C11orf65: variants seen among roughly 807,000 people sequenced by gnomAD.
C11orf65 encodes the protein protein MFI.
In C11orf65, 38 loss-of-function variants were observed where a neutral mutation model predicts 35.3. That is an observed-to-expected ratio of 1.08 (90% CI 0.83 to 1.41). The LOEUF is 1.41. Ranked by LOEUF, C11orf65 falls within the 40% of genes most tolerant of loss-of-function variation. The pLI is 0.00. For missense variants in C11orf65, 370 were observed against 367.1 expected, an observed-to-expected ratio of 1.01 and a Z score of -0.06; for synonymous variants, 105 against 114.4, an observed-to-expected ratio of 0.92 and a Z score of 0.53.
chr11:108,362,522 C>A (rs1234763261), intron 2 of C11orf65, among the ~76,000 whole-genome samples: 11 of 149,566 alleles, frequency 7.4e-5, no homozygotes, highest in Non-Finnish European at 1.6e-4. Context: ...CGGCATTATT[C>A]ACAATAGCAA....
chr11:108,330,211 A>G (rs2136451104), downstream of C11orf65: 1 of 1,613,492 alleles, frequency 6.2e-7, no homozygotes, highest in Non-Finnish European at 8.5e-7. Flanking sequence ...TATTCTATGC[A>G]AGATACACAG....
intron 2 of C11orf65, among the ~76,000 whole-genome samples, chr11:108,450,445 TA>T (rs1367674864): frequency 6.6e-6 from 1 of 151,452 alleles, no homozygotes; most frequent in African/African-American, 2.4e-5. Context: ...TATGCAGCCA[TA>T]AAAAATGATG....
At chr11:108,358,910 ACAT>A (rs1205786503) in intron 2 of C11orf65, among the ~76,000 whole-genome samples, 2 of 152,122 alleles carry the variant, frequency 1.3e-5, no homozygotes, top group African/African-American at 4.8e-5. Flanking sequence ...TCACCAGCTA[ACAT>A]CATAATGACA....
At chr11:108,408,689 A>AAAAAAATAAAATAAAATAAAAT (rs1565659848) in intron 3 of C11orf65, among the ~76,000 whole-genome samples, 5 of 86,974 alleles carry the variant, frequency 5.7e-5, no homozygotes, top group African/African-American at 3.0e-4. Flanking sequence ...AAAATAAAAT[A>AAAAAAATAAAATAAAATAAAAT]AAATAAAATA....
chr11:108,323,500 A>G (rs1011927830), intron 6 of C11orf65, among the ~76,000 whole-genome samples: 1 of 152,194 alleles, frequency 6.6e-6, no homozygotes, highest in Non-Finnish European at 1.5e-5. Flanking sequence ...CAATAGGGCA[A>G]CTGTAGTTAA....
intron 2 of C11orf65, chr11:108,336,129 T>A: frequency 1.7e-6 from 1 of 573,290 alleles, no homozygotes; most frequent in Non-Finnish European, 3.1e-6. Context: ...AGACCCCATC[T>A]TGACAAAAAG....
intron 2 of C11orf65, among the ~76,000 whole-genome samples, chr11:108,356,982 C>T (rs1455152196): frequency 6.6e-6 from 1 of 152,206 alleles, no homozygotes; most frequent in Non-Finnish European, 1.5e-5. Context: ...ATACAGCTCC[C>T]AGCGTGAGCG....
intron 1 of C11orf65, among the ~76,000 whole-genome samples, chr11:108,466,693 A>G (rs1411565258): frequency 1.3e-5 from 2 of 152,242 alleles, no homozygotes; most frequent in Non-Finnish European, 2.9e-5. Flanking sequence ...GTATTTTCCA[A>G]GCTTATTATA....
At chr11:108,347,179 A>C in intron 2 of C11orf65, 2 of 951,666 alleles carry the variant, frequency 2.1e-6, no homozygotes, top group East Asian at 4.9e-5. Flanking sequence ...TAAACTACTT[A>C]AAGATTATAC....
intron 7 of C11orf65, 25 bp from the exon 8 acceptor site, chr11:108,386,000 T>C: frequency 6.3e-7 from 1 of 1,593,102 alleles, no homozygotes; most frequent in Non-Finnish European, 8.6e-7. Flanking sequence ...TGAGGATTCA[T>C]TAAATTTAAT....
intron 3 of C11orf65, chr11:108,333,823 C>T (rs918711384): frequency 7.7e-7 from 1 of 1,304,664 alleles, no homozygotes; most frequent in Non-Finnish European, 1.1e-6. Flanking sequence ...GCTGACTATT[C>T]CTGCTTGACC....
chr11:108,396,834 A>AAGAT (rs1555162851), intron 6 of C11orf65, among the ~76,000 whole-genome samples: 1 of 137,396 alleles, frequency 7.3e-6, no homozygotes, highest in Non-Finnish European at 1.5e-5. Flanking sequence ...ACTCCGTCTT[A>AAGAT]AAATAAATAA....
chr11:108,411,078 T>A (rs1391503793), intron 3 of C11orf65, among the ~76,000 whole-genome samples: 1 of 152,178 alleles, frequency 6.6e-6, no homozygotes, highest in Non-Finnish European at 1.5e-5. Context: ...ACTTTGTAAA[T>A]TGATTTTTAA....
chr11:108,325,565 T>C (rs2085588427), intron 6 of C11orf65: 1 of 1,556,154 alleles, frequency 6.4e-7, no homozygotes, highest in Non-Finnish European at 8.8e-7. Context: ...TTTAAAACTA[T>C]GTCATCTTAC....
In C11orf65 at chr11:108,427,825, C is replaced by CTTTT. The variant is rs1164726398; in HGVS notation, c.174+3917_174+3920dup. ...ATCTCACGCCAGTTAGAATGGCAAT[C>CTTTT]TTTTTTTTTTTTTTTTTTTTTTTGA... On this transcript the variant is annotated intron_variant, in intron 3 of 8. Transcript: ENST00000393084. Among the ~76,000 whole-genome samples the CTTTT allele has an allele frequency of 5.6e-3, 332 of 59,054 alleles. 39 individuals carry two copies. Among genetic ancestry groups the CTTTT allele is most frequent in the African/African-American group, 6.5e-3 (95 of 14,558 alleles). The allele number at this position is 59,054 out of a possible 152,430, so 38.7% of individuals were successfully genotyped here.
intron 3 of C11orf65, among the ~76,000 whole-genome samples, chr11:108,421,186 C>T (rs906706024): frequency 6.6e-6 from 1 of 152,110 alleles, no homozygotes; most frequent in Non-Finnish European, 1.5e-5. Flanking sequence ...CTTCATTCTA[C>T]CTAGATTTTT....
At chr11:108,436,921 GACAA>G (rs2093067987) in intron 2 of C11orf65, among the ~76,000 whole-genome samples, 1 of 152,030 alleles carries the variant, frequency 6.6e-6, no homozygotes, top group African/African-American at 2.4e-5. Context: ...TATGCTTTTA[GACAA>G]ACAAAAGCTG....
chr11:108,395,620 A>G (rs1042635192), intron 6 of C11orf65, among the ~76,000 whole-genome samples: 1 of 123,404 alleles, frequency 8.1e-6, no homozygotes, highest in African/African-American at 3.4e-5. Context: ...CCCAGCCCAA[A>G]TTTTTTTTTT....
At position 108,335,344 on chromosome 11, in the gene C11orf65, A is replaced by G. The variant is rs549011702; in HGVS notation, c.227-52T>C. 87 of 1,241,146 alleles carry G rather than the reference A, an allele frequency of 7.0e-5. No homozygotes were observed. In the African/African-American group the frequency reaches 1.3e-3, roughly 18 times the overall value. 76.9% of individuals were successfully genotyped at this position (1,241,146 alleles called of 1,614,324 possible). On this transcript the variant is annotated intron_variant, in intron 2 of 3. Coordinates refer to the C11orf65 transcript ENST00000524755. The stretch of plus-strand genomic sequence containing the variant: ...TGATTCAAGTAAAAGAATACCATTA[A>G]CATGTACAGACATGTACAGTGAGGT...
Sources: allele counts gnomAD v4.1 joint callset (sites outside exome capture counted in the v4.1 genomes callset), GRCh38; gene constraint gnomAD v4.1.1; transcripts MANE v1.5; gene names NCBI Gene and HGNC (gene_info 2026-07-23, HGNC 2026-07-21).